DOCK4: variants seen among roughly 807,000 people sequenced by gnomAD.
DOCK4 encodes the protein dedicator of cytokinesis protein 4.
Under a neutral mutation model 268.1 loss-of-function variants are expected in DOCK4, and 97 were observed. The ratio of observed to expected loss-of-function variants is 0.36; its 90% confidence interval spans 0.31 to 0.43. The LOEUF (loss-of-function observed/expected upper bound fraction) is 0.43, where lower values mean the gene tolerates loss of function less well. Among genes scored for constraint, DOCK4 ranks in the 20% least tolerant of loss-of-function variants. The probability of loss-of-function intolerance (pLI) is 1.00; values close to 1 mark genes in which losing one functional copy is unlikely to be tolerated. For missense variants in DOCK4, 2,145 were observed against 2,455.7 expected, an observed-to-expected ratio of 0.87 and a Z score of 2.67; for synonymous variants, 954 against 887.2, an observed-to-expected ratio of 1.08 and a Z score of -1.34.
chr7:112,070,381 A>G (rs1342972617), intron 1 of DOCK4, among the ~76,000 whole-genome samples: 3 of 152,190 alleles, frequency 2.0e-5, no homozygotes, highest in Non-Finnish European at 2.9e-5. Flanking sequence ...GGGAATTGAT[A>G]TATTAGGTTA....
intron 8 of DOCK4, among the ~76,000 whole-genome samples, chr7:111,952,092 C>CG (rs1259971832): frequency 3.6e-5 from 5 of 137,302 alleles, no homozygotes; most frequent in Admixed American, 7.4e-5. Context: ...TCCCTGTCTG[C>CG]GAAAAAAAAA....
chr7:111,902,467 A>G (rs940280389), intron 13 of DOCK4, among the ~76,000 whole-genome samples: 1 of 152,196 alleles, frequency 6.6e-6, no homozygotes, highest in Admixed American at 6.5e-5. Flanking sequence ...CTGGTGATTT[A>G]TAAAACTTGA....
intron 16 of DOCK4, among the ~76,000 whole-genome samples, chr7:111,886,540 T>A (rs1807859235): frequency 1.3e-5 from 2 of 152,120 alleles, no homozygotes; most frequent in Admixed American, 1.3e-4. Context: ...GGATGGTCTT[T>A]GATCTGAGGT....
intron 16 of DOCK4, among the ~76,000 whole-genome samples, chr7:111,877,804 T>C (rs1391398140): frequency 6.6e-6 from 1 of 152,238 alleles, no homozygotes; most frequent in Non-Finnish European, 1.5e-5. Context: ...GTAATTATTT[T>C]AGTCAAGGAT....
intron 16 of DOCK4, among the ~76,000 whole-genome samples, chr7:111,886,574 G>T (rs73424311): frequency 0.014 from 2,116 of 152,182 alleles, 42 homozygotes; most frequent in African/African-American, 0.048. Flanking sequence ...GACCTCAGTT[G>T]TAAAGGATAA....
chr7:111,901,853 A>G (rs1791177372), intron 13 of DOCK4, 52 bp from the exon 14 acceptor site: 1 of 1,374,962 alleles, frequency 7.3e-7, no homozygotes, highest in African/African-American at 1.5e-5. Flanking sequence ...AGGAAATGTA[A>G]TAAAGTGCTC....
chr7:111,826,902 T>G (rs914961330), intron 26 of DOCK4, among the ~76,000 whole-genome samples: 6 of 152,062 alleles, frequency 3.9e-5, no homozygotes, highest in African/African-American at 1.2e-4. Flanking sequence ...CTATATTTTT[T>G]TAAAAAAGAG....
At chr7:112,109,028 T>C (rs967784512) in intron 1 of DOCK4, among the ~76,000 whole-genome samples, 2 of 152,120 alleles carry the variant, frequency 1.3e-5, no homozygotes, top group Non-Finnish European at 2.9e-5. Flanking sequence ...CCTAACCCCA[T>C]TTCAAAAGAT....
intron 2 of DOCK4, 26 bp from the exon 3 acceptor site, chr7:112,000,560 T>C (rs1419047577): frequency 1.3e-6 from 2 of 1,507,622 alleles, no homozygotes; most frequent in African/African-American, 2.8e-5. Flanking sequence ...CATGGTCATA[T>C]TTTGATAAAC....
chr7:112,013,611 C>T (rs1458806240), intron 1 of DOCK4, among the ~76,000 whole-genome samples: 1 of 152,208 alleles, frequency 6.6e-6, no homozygotes, highest in Non-Finnish European at 1.5e-5. Context: ...GCCTCTTACT[C>T]CTGTCCCCTT....
At position 111,739,306 on chromosome 7, in the gene DOCK4, G is replaced by C. The variant is rs560368269; in HGVS notation, c.5123-63C>G. The C allele has an allele frequency of 7.2e-5, 115 of 1,592,946 alleles. 1 individual carries two copies. The South Asian group carries it at 1.2e-3, about 17-fold the overall frequency. ...AGTGGTGCTGCACCTGTTTGGAGGC[G>C]AGAGCCTGAACGTGTGGCAGCTGGC... On this transcript the variant is annotated intron_variant, in intron 48 of 52. Coordinates refer to ENST00000428084, the MANE Select transcript of DOCK4 (RefSeq NM_001363540.2).
At chr7:111,930,592 T>G (rs1201093354) in intron 12 of DOCK4, among the ~76,000 whole-genome samples, 1 of 152,232 alleles carries the variant, frequency 6.6e-6, no homozygotes, top group Non-Finnish European at 1.5e-5. Context: ...ACTGCACTGC[T>G]TCCATTTAAC....
chr7:112,092,516 C>G (rs7785891), intron 1 of DOCK4, among the ~76,000 whole-genome samples: 54,409 of 151,948 alleles, frequency 0.36, 10,336 homozygotes, highest in African/African-American at 0.4. Flanking sequence ...AACGGCGCGA[C>G]AGGCTCTCTA....
At chr7:111,847,179 C>G (rs1029387235) in intron 23 of DOCK4, 53 bp from the exon 24 acceptor site, 2 of 1,600,640 alleles carry the variant, frequency 1.2e-6, no homozygotes, top group Non-Finnish European at 1.7e-6. Flanking sequence ...CACGCAATAC[C>G]TAGGGCAAAT....
At chr7:112,166,854 C>A (rs1380382124) in intron 1 of DOCK4, among the ~76,000 whole-genome samples, 1 of 151,152 alleles carries the variant, frequency 6.6e-6, no homozygotes. Flanking sequence ...TTTTAAGAGA[C>A]AGAGTCTCGC....
intron 7 of DOCK4, among the ~76,000 whole-genome samples, chr7:111,980,039 G>A (rs558454264): frequency 1.8e-4 from 28 of 152,302 alleles, no homozygotes; most frequent in Non-Finnish European, 3.2e-4. Flanking sequence ...TCACTGATCA[G>A]GATCATGTGC....
intron 2 of DOCK4, among the ~76,000 whole-genome samples, chr7:112,001,661 G>C (rs185269386): frequency 6.6e-6 from 1 of 152,134 alleles, no homozygotes; most frequent in Admixed American, 6.5e-5. Flanking sequence ...AGGTAAAAAT[G>C]AATCTTCTAT....
Position 111,726,155 on chromosome 7 carries a change from C to A in DOCK4, c.*2119G>T, listed in dbSNP as rs1794646818. The A allele has an allele frequency of 2.0e-5, 3 of 152,652 alleles. No homozygotes were observed. The highest frequency in any genetic ancestry group is 2.0e-4 in the Admixed American group (3 of 15,278). The allele number at this position is 152,652 out of a possible 1,614,324, so 9.5% of individuals were successfully genotyped here. A position where few individuals can be genotyped will look rare whatever the true frequency, so the allele number is the denominator to read the frequency against. Reference sequence around the variant, plus strand: ...TTATTTAATATTTACCATTCAGCAGCAACCAACATGAACATGTGGGCTAAC... The same window carrying A: ...TTATTTAATATTTACCATTCAGCAGAAACCAACATGAACATGTGGGCTAAC... On this transcript the variant is annotated 3_prime_UTR_variant, in exon 53 of 53. Coordinates refer to ENST00000428084, the MANE Select transcript of DOCK4 (RefSeq NM_001363540.2).
At chr7:111,829,885 T>C (rs2134004697) in intron 26 of DOCK4, among the ~76,000 whole-genome samples, 1 of 152,306 alleles carries the variant, frequency 6.6e-6, no homozygotes, top group South Asian at 2.1e-4. Flanking sequence ...TTATAGTCTT[T>C]ATTTATCCCA....
Sources: allele counts gnomAD v4.1 joint callset (sites outside exome capture counted in the v4.1 genomes callset), GRCh38; gene constraint gnomAD v4.1.1; transcripts MANE v1.5; gene names NCBI Gene and HGNC (gene_info 2026-07-23, HGNC 2026-07-21).